Variants in TMEM53 observed in about 807,000 individuals in gnomAD.
TMEM53 encodes transmembrane protein 53, also known as novel DUF829 domain-containing protein.
In TMEM53, 14 loss-of-function variants were observed where a neutral mutation model predicts 21.4. The observed-to-expected ratio is 0.65, with a 90% CI of 0.43 to 1.02. The LOEUF (loss-of-function observed/expected upper bound fraction) is 1.02. Ranked by LOEUF, TMEM53 falls within the 50% of genes least tolerant of loss-of-function variation. The probability of loss-of-function intolerance (pLI) is 0.00; values close to 1 mark genes in which losing one functional copy is unlikely to be tolerated. For synonymous variants in TMEM53, 148 were observed against 157.4 expected, an observed-to-expected ratio of 0.94 and a Z score of 0.45; for missense variants, 323 against 383.6, an observed-to-expected ratio of 0.84 and a Z score of 1.32.
At chr1:44,656,281 GA>G (rs796095303) in intron 2 of TMEM53, among the ~76,000 whole-genome samples, 189 of 151,882 alleles carry the variant, frequency 1.2e-3, no homozygotes, top group African/African-American at 4.2e-3. Context: ...AAAATTAGAT[GA>G]AAAAAAATGT....
intron 1 of TMEM53, among the ~76,000 whole-genome samples, chr1:44,673,033 G>A (rs969781411): frequency 2.0e-5 from 3 of 152,212 alleles, no homozygotes; most frequent in Non-Finnish European, 2.9e-5. Context: ...CCTCCTGGCC[G>A]TGCAGAAGGC....
At chr1:44,674,258 C>A in intron 1 of TMEM53, 73 bp downstream of exon 1, 1 of 1,535,578 alleles carries the variant, frequency 6.5e-7, no homozygotes, top group Admixed American at 2.0e-5. Flanking sequence ...AGGGGCGGGG[C>A]TACAGCTGCG....
chr1:44,665,096 A>T (rs915807809), intron 1 of TMEM53, among the ~76,000 whole-genome samples: 1 of 62,718 alleles, frequency 1.6e-5, no homozygotes, highest in African/African-American at 6.2e-5. Flanking sequence ...ACCACCCCCC[A>T]CCCCAAACCA....
Position 44,660,196 on chromosome 1 carries a change from T to A in TMEM53, c.161A>T (p.Tyr54Phe). ...GGCKDKNLAK[Y>F]SAIYHKRGCI... ...CACCCTTTTGTGGTAGATGGCACTG[T>A]ACTTGGCAAGGTTCTTGTCCTTGCA... is the stretch of plus-strand genomic sequence containing the variant. Residue 54 changes from tyrosine (Y) to phenylalanine (F), a missense_variant, in exon 2 of 3, where the codon TAC becomes TTC. Transcript: ENST00000372237. 3.7e-6 allele frequency: 6 copies of A among 1,614,130 alleles called. No individual in the cohort carries two copies. The highest frequency in any genetic ancestry group is 5.1e-6 in the Non-Finnish European group (6 of 1,180,012).
intron 1 of TMEM53, among the ~76,000 whole-genome samples, chr1:44,668,649 C>T (rs1337553324): frequency 6.6e-6 from 1 of 152,030 alleles, no homozygotes. Flanking sequence ...TCAGGTAATC[C>T]TCCTACCTCA....
chr1:44,664,618 C>T (rs771491181), intron 1 of TMEM53, among the ~76,000 whole-genome samples: 5 of 152,088 alleles, frequency 3.3e-5, no homozygotes, highest in East Asian at 1.9e-4. Context: ...AGCTTGTATC[C>T]GCTATCCTAG....
chr1:44,674,048 G>A (rs1022221229), intron 1 of TMEM53: 1 of 985,458 alleles, frequency 1.0e-6, no homozygotes, highest in Non-Finnish European at 1.2e-6. Flanking sequence ...GTGATTAAAG[G>A]GCATGGACCT....
intron 1 of TMEM53, among the ~76,000 whole-genome samples, chr1:44,671,947 A>T (rs1037821387): frequency 6.6e-6 from 1 of 152,270 alleles, no homozygotes; most frequent in African/African-American, 2.4e-5. Context: ...AAGTTTTTAA[A>T]AAGTAATTTC....
intron 1 of TMEM53, among the ~76,000 whole-genome samples, chr1:44,670,191 T>G: frequency 1.3e-5 from 1 of 74,594 alleles, no homozygotes; most frequent in African/African-American, 5.9e-5. Context: ...AAAAGACCTT[T>G]GGGGTCCTCG....
intron 1 of TMEM53, among the ~76,000 whole-genome samples, chr1:44,672,351 C>A (rs534886618): frequency 6.6e-6 from 1 of 152,242 alleles, no homozygotes; most frequent in Non-Finnish European, 1.5e-5. Context: ...AATGCTCTAG[C>A]CCTGCAGTTA....
At chr1:44,667,214 A>G (rs1230074034) in intron 1 of TMEM53, among the ~76,000 whole-genome samples, 2 of 152,146 alleles carry the variant, frequency 1.3e-5, no homozygotes, top group African/African-American at 4.8e-5. Flanking sequence ...ATTTTTAAAA[A>G]TAATAGTAAT....
intron 1 of TMEM53, among the ~76,000 whole-genome samples, chr1:44,670,602 C>G (rs914377212): frequency 1.3e-5 from 2 of 152,242 alleles, no homozygotes; most frequent in Non-Finnish European, 2.9e-5. Context: ...CCCTTCAGCA[C>G]TGTCTCCTGG....
At position 44,672,889 on chromosome 1, in the gene TMEM53, CG is replaced by C. The variant is rs1279729049; in HGVS notation, c.61+1441del. 5.3e-5 allele frequency among the ~76,000 whole-genome samples: 8 copies of C among 152,264 alleles called. No individual in the cohort carries two copies. The East Asian group carries it at 1.4e-3, about 26-fold the overall frequency. ...CTACCTCGTAACCCTCGCAATCCCA[CG>C]AGGAGGTAGGCACTAGTACTCTTCC... On this transcript the variant is annotated intron_variant, in intron 1 of 2. Coordinates refer to ENST00000372237, the MANE Select transcript of TMEM53 (RefSeq NM_024587.4).
In TMEM53 at chr1:44,659,061, G is replaced by A. The variant is rs539619918; in HGVS notation, c.183+1113C>T. ...CCGAGCCCAGTGAGCAGAACTCGCA[G>A]CTGAAACTGCCCGCAGTGAGGCTGT... On this transcript the variant is annotated intron_variant, in intron 2 of 2. Transcript: ENST00000372237. Among the ~76,000 whole-genome samples the A allele has an allele frequency of 2.6e-3, 393 of 152,306 alleles. 7 individuals carry two copies. Among genetic ancestry groups the A allele is most frequent in the African/African-American group, 9.2e-3 (382 of 41,566 alleles).
intron 2 of TMEM53, among the ~76,000 whole-genome samples, chr1:44,658,422 C>T (rs1447457301): frequency 6.6e-6 from 1 of 152,144 alleles, no homozygotes; most frequent in Non-Finnish European, 1.5e-5. Flanking sequence ...CAATCCATCA[C>T]CTTACCTCTA....
chr1:44,672,250 G>A (rs1316169984), intron 1 of TMEM53, among the ~76,000 whole-genome samples: 2 of 152,260 alleles, frequency 1.3e-5, no homozygotes, highest in African/African-American at 4.8e-5. Context: ...GAAAGCCGTG[G>A]AGGTGTTTCC....
chr1:44,671,081 CACG>C (rs1414488593), intron 1 of TMEM53, among the ~76,000 whole-genome samples: 1 of 152,322 alleles, frequency 6.6e-6, no homozygotes, highest in African/African-American at 2.4e-5. Flanking sequence ...CCATCAAAAA[CACG>C]ACAACAGGAA....
intron 2 of TMEM53, among the ~76,000 whole-genome samples, chr1:44,657,304 C>T (rs76540980): frequency 0.23 from 35,677 of 151,894 alleles, 5,281 homozygotes; most frequent in Middle Eastern, 0.35. Context: ...GGGGCACATC[C>T]GCTGTAAAGG....
intron 2 of TMEM53, among the ~76,000 whole-genome samples, chr1:44,656,497 G>A (rs1345217805): frequency 2.0e-5 from 3 of 152,096 alleles, no homozygotes; most frequent in African/African-American, 7.2e-5. Flanking sequence ...TCCCTCCCAA[G>A]ACTCTGAAGA....
Sources: allele counts gnomAD v4.1 joint callset (sites outside exome capture counted in the v4.1 genomes callset), GRCh38; gene constraint gnomAD v4.1.1; transcripts MANE v1.5; gene names NCBI Gene and HGNC (gene_info 2026-07-23, HGNC 2026-07-21).